Variants in CTNNAL1 observed in about 807,000 individuals in gnomAD.
CTNNAL1 encodes the protein alpha-catulin.
CTNNAL1 carries 69 observed loss-of-function variants against 93.6 expected under a neutral mutation model. That is an observed-to-expected ratio of 0.74 (90% confidence interval 0.61 to 0.90). CTNNAL1 has a LOEUF of 0.90. CTNNAL1 is among the 40% of genes least tolerant of loss of function. CTNNAL1 has a pLI of 0.00. For synonymous variants in CTNNAL1, 286 were observed against 305.4 expected (o/e 0.94, Z 0.66); for missense variants, 836 against 862.0 (o/e 0.97, Z 0.38).
At chr9:109,009,619 G>A (rs1827149384) in intron 1 of CTNNAL1, among the ~76,000 whole-genome samples, 2 of 152,102 alleles carry the variant, frequency 1.3e-5, no homozygotes, top group South Asian at 2.1e-4. Context: ...AATGAGTCTT[G>A]AAATCTGGCA....
At chr9:109,009,708 T>C (rs73527211) in intron 1 of CTNNAL1, among the ~76,000 whole-genome samples, 9,511 of 152,310 alleles carry the variant, frequency 0.062, 1,015 homozygotes, top group African/African-American at 0.22. Context: ...GAATTACTTT[T>C]ATCAAGTTCT....
At chr9:108,988,750 C>T (rs1831692428) in intron 4 of CTNNAL1, among the ~76,000 whole-genome samples, 1 of 152,200 alleles carries the variant, frequency 6.6e-6, no homozygotes. Context: ...CCCACCCCTA[C>T]TAAAACATAA....
chr9:108,972,868 G>A, intron 8 of CTNNAL1, 35 bp from the exon 9 acceptor site: 3 of 1,092,790 alleles, frequency 2.7e-6, no homozygotes, highest in Non-Finnish European at 3.7e-6. Flanking sequence ...GGGTGGGAGG[G>A]TGGAGAAGGA....
chr9:108,972,864 G>GCCCC, intron 8 of CTNNAL1, 31 bp from the exon 9 acceptor site: 12 of 142,560 alleles, frequency 8.4e-5, no homozygotes, highest in Non-Finnish European at 1.2e-4. Context: ...GGGGGGGTGG[G>GCCCC]AGGGTGGAGA....
intron 11 of CTNNAL1, among the ~76,000 whole-genome samples, chr9:108,957,818 C>T (rs1374740043): frequency 6.6e-6 from 1 of 151,988 alleles, no homozygotes; most frequent in East Asian, 1.9e-4. Flanking sequence ...ATAAAGGGCA[C>T]ATTAAACAGA....
intron 3 of CTNNAL1, among the ~76,000 whole-genome samples, chr9:108,992,373 A>G (rs1587980387): frequency 6.6e-6 from 1 of 152,006 alleles, no homozygotes; most frequent in East Asian, 1.9e-4. Flanking sequence ...CTTACAATTA[A>G]CCTAAAAAGA....
At chr9:108,944,194 T>C (rs1587938125) in intron 15 of CTNNAL1, among the ~76,000 whole-genome samples, 176 bp from the exon 16 acceptor site, 1 of 152,334 alleles carries the variant, frequency 6.6e-6, no homozygotes. Context: ...TTTAACTGTT[T>C]TCAGAAGGAG....
intron 5 of CTNNAL1, 45 bp from the exon 6 acceptor site, chr9:108,983,360 C>A: frequency 1.5e-6 from 2 of 1,373,548 alleles, no homozygotes; most frequent in South Asian, 2.1e-5. Flanking sequence ...TGATTTATGT[C>A]ATAATGCACA....
At chr9:108,992,854 G>C (rs765984404) in intron 2 of CTNNAL1, 35 bp from the exon 3 acceptor site, 2 of 1,570,104 alleles carry the variant, frequency 1.3e-6, no homozygotes, top group Non-Finnish European at 1.7e-6. Flanking sequence ...AGTTAAACAG[G>C]CATACAAATT....
Position 108,979,323 on chromosome 9 carries a change from C to T in CTNNAL1, c.1059G>A (p.Ala353=), listed in dbSNP as rs145593075. ...AAATTAACTGCTGCAGTTCCATTCT[C>T]GCCTGAGTTGACAGTTCCAAGATGC... ...RERILELSTQ[A]RMELQQLISV... The change falls in exon 7 of 19, where the codon GCG becomes GCA. Residue 353 remains alanine, a synonymous_variant. Coordinates refer to ENST00000325551, the MANE Select transcript of CTNNAL1 (RefSeq NM_003798.4). 534 of 1,614,132 alleles carry T rather than the reference C, an allele frequency of 3.3e-4. No individual in the cohort carries two copies. The highest frequency in any genetic ancestry group is 5.3e-4 in the East Asian group (24 of 44,878).
At chr9:108,953,270 C>A (rs1038831505) in intron 12 of CTNNAL1, among the ~76,000 whole-genome samples, 3 of 152,174 alleles carry the variant, frequency 2.0e-5, no homozygotes, top group Admixed American at 6.5e-5. Flanking sequence ...CACACCACCA[C>A]CAATAGCAAC....
rs909126348 is a variant in CTNNAL1 at position 108,943,987 on chromosome 9, G to A, written c.1916C>T (p.Ser639Phe). 1.9e-6 allele frequency: 3 copies of A among 1,613,834 alleles called. No individual in the cohort carries two copies. The highest frequency in any genetic ancestry group is 1.1e-5 in the South Asian group (1 of 90,976). Reference sequence around the variant, plus strand: ...CTGTTTTGAAAAAGCTTGAACACTGGAAGTAAGCTTTAAACCCTCTGCAGC... The same window carrying A: ...CTGTTTTGAAAAAGCTTGAACACTGAAAGTAAGCTTTAAACCCTCTGCAGC... Reference protein sequence around the residue: ...VFAAEGLKLTSSVQAFSKQLK... With the variant: ...VFAAEGLKLTFSVQAFSKQLK... Residue 639 changes from serine to phenylalanine, a missense_variant, in exon 16 of 19, where the codon TCC becomes TTC. Ser to Phe is a radical substitution (Grantham distance 155). Coordinates refer to ENST00000325551, the MANE Select transcript of CTNNAL1 (RefSeq NM_003798.4).
Position 108,950,622 on chromosome 9 carries a change from G to A in CTNNAL1, c.1835+1587C>T, listed in dbSNP as rs968476214. The A allele has an allele frequency of 7.1e-6, 11 of 1,548,346 alleles. No individual in the cohort carries two copies. In the African/African-American group the frequency reaches 1.4e-4, roughly 19 times the overall value. ...TCCTTCTATAGGAAGGAATCTTCACGAGCACAGGATCCCTCACTTCTGTCT... is the reference window on the plus strand; with the variant it reads ...TCCTTCTATAGGAAGGAATCTTCACAAGCACAGGATCCCTCACTTCTGTCT... On this transcript the variant is annotated intron_variant, in intron 14 of 18. Transcript: ENST00000325551.
intron 15 of CTNNAL1, among the ~76,000 whole-genome samples, chr9:108,946,297 CAAA>C (rs35064357): frequency 6.3e-5 from 6 of 95,058 alleles, no homozygotes; most frequent in African/African-American, 2.0e-4. Flanking sequence ...GACTAAGTCT[CAAA>C]AAAAAAAAAA....
chr9:109,009,749 A>T (rs1827153145), intron 1 of CTNNAL1, among the ~76,000 whole-genome samples: 1 of 152,234 alleles, frequency 6.6e-6, no homozygotes, highest in South Asian at 2.1e-4. Flanking sequence ...TTTTCATGGA[A>T]ATTGCATTAA....
At chr9:109,013,169 T>G (rs1300544741) in intron 1 of CTNNAL1, 133 bp downstream of exon 1, 1 of 1,158,142 alleles carries the variant, frequency 8.6e-7, no homozygotes, top group Non-Finnish European at 1.1e-6. Context: ...ACACAGGCGG[T>G]CCGACAAGAA....
At position 109,013,468 on chromosome 9, in the gene CTNNAL1, G is replaced by C; in HGVS notation, c.-26C>G. The C allele has an allele frequency of 7.4e-7, 1 of 1,350,386 alleles. No individual in the cohort carries two copies. The highest frequency in any genetic ancestry group is 9.6e-7 in the Non-Finnish European group (1 of 1,044,910). The allele number at this position is 1,350,386 out of a possible 1,614,324, so 83.7% of individuals were successfully genotyped here. On this transcript the variant is annotated 5_prime_UTR_variant, in exon 1 of 19. Transcript: ENST00000325551. ...GGCCCTCGGTCTATCCCGCAGCCGGGACTCCGCGCCGCGGCGAGCCTGCCG... is the reference window on the plus strand; with the variant it reads ...GGCCCTCGGTCTATCCCGCAGCCGGCACTCCGCGCCGCGGCGAGCCTGCCG...
At chr9:108,964,168 G>A (rs2132116332) in intron 11 of CTNNAL1, among the ~76,000 whole-genome samples, 1 of 152,210 alleles carries the variant, frequency 6.6e-6, no homozygotes, top group East Asian at 1.9e-4. Context: ...AAAATGATTT[G>A]CCATTCAGAC....
rs896258431 is a variant in CTNNAL1 at position 109,013,427 on chromosome 9, C to T, written c.16G>A (p.Gly6Arg). ...CCGGCGCCGCCAACGCCGGCGGGTC[C>T]GGGAGAGGCGGCCATGGCCCTCGGT... MAASP[G>R]PAGVGGAGAV... The change falls in exon 1 of 19, where the codon GGA becomes AGA. Residue 6 changes from glycine (G) to arginine (R), a missense_variant. Gly to Arg is a moderately radical substitution (Grantham distance 125). Coordinates refer to ENST00000325551, the MANE Select transcript of CTNNAL1 (RefSeq NM_003798.4). The T allele has an allele frequency of 5.4e-6, 8 of 1,477,934 alleles. No individual in the cohort carries two copies. The highest frequency in any genetic ancestry group is 3.0e-5 in the African/African-American group (2 of 67,676). The allele number at this position is 1,477,934 out of a possible 1,614,324, so 91.6% of individuals were successfully genotyped here. A position where few individuals can be genotyped will look rare whatever the true frequency, so the allele number is the denominator to read the frequency against.
Sources: gnomAD v4.1 joint callset for allele counts (sites outside exome capture counted in the v4.1 genomes callset) on GRCh38, gnomAD v4.1.1 for gene constraint, MANE v1.5 for transcripts, NCBI Gene and HGNC (gene_info 2026-07-23, HGNC 2026-07-21) for gene names.